The following EYS variants were observed in gnomAD, a reference collection of about 807,000 sequenced individuals.
The protein encoded by EYS is protein eyes shut homolog.
Under a neutral mutation model 282.1 loss-of-function variants are expected in EYS, and 250 were observed. The ratio of observed to expected loss-of-function variants is 0.89; its 90% CI spans 0.80 to 0.98. EYS has a LOEUF of 0.98. EYS is among the 50% of genes least tolerant of loss of function. EYS has a pLI of 0.00. For synonymous variants in EYS, 1,355 were observed against 1,282.9 expected (o/e 1.06, Z -1.20); for missense variants, 4,016 against 3,709.0 (o/e 1.08, Z -2.15).
Position 64,711,201 on chromosome 6 carries a change from G to A in EYS, c.3444-84956C>T, listed in dbSNP as rs150494462. On this transcript the variant is annotated intron_variant, in intron 22 of 42. Transcript: ENST00000503581. ...ATATTTGATTTACAAGAAAATAAAG[G>A]CTTTAAGACAACTGCTTCAAGCAGA... is the stretch of plus-strand genomic sequence containing the variant. Among the ~76,000 whole-genome samples the A allele has an allele frequency of 1.1e-3, 164 of 152,158 alleles. 4 individuals are homozygous for A. The East Asian group carries it at 0.025, about 24-fold the overall frequency.
chr6:64,959,082 T>C (rs1428227774), intron 14 of EYS, among the ~76,000 whole-genome samples: 1 of 152,096 alleles, frequency 6.6e-6, no homozygotes, highest in Non-Finnish European at 1.5e-5. Flanking sequence ...AGGGGTAAGA[T>C]GGGGGATATA....
chr6:64,886,137 T>C (rs1767078144), intron 19 of EYS, among the ~76,000 whole-genome samples: 1 of 151,962 alleles, frequency 6.6e-6, no homozygotes, highest in East Asian at 1.9e-4. Flanking sequence ...TAGCTATTTG[T>C]ATTTTGTAAA....
rs80054226 is a variant in EYS, at chr6:65,359,250, C to A, written c.1300-5633G>T. Reference sequence around the variant, plus strand: ...TATCTCATGTCACATCAGAAATAAGCAAATTTTGCAGTATCAAAGTTTTGT... The same window carrying A: ...TATCTCATGTCACATCAGAAATAAGAAAATTTTGCAGTATCAAAGTTTTGT... On this transcript the variant is annotated intron_variant, in intron 8 of 42. Transcript: ENST00000503581. 9.1e-4 allele frequency among the ~76,000 whole-genome samples: 138 copies of A among 152,058 alleles called. 1 individual carries two copies. In the East Asian group the frequency reaches 0.023, roughly 25 times the overall value.
At chr6:64,536,841 TA>T (rs1764532130) in intron 26 of EYS, among the ~76,000 whole-genome samples, 1 of 151,286 alleles carries the variant, frequency 6.6e-6, no homozygotes, top group African/African-American at 2.4e-5. Flanking sequence ...TTTACATACA[TA>T]AAAATATCTA....
chr6:64,977,630 AG>A (rs1248338082), intron 14 of EYS, among the ~76,000 whole-genome samples: 1 of 149,936 alleles, frequency 6.7e-6, no homozygotes, highest in African/African-American at 2.5e-5. Context: ...GCTGAAAGCT[AG>A]GCCTTTTGCA....
At chr6:64,929,233 G>A (rs1031009208) in intron 15 of EYS, among the ~76,000 whole-genome samples, 2 of 152,016 alleles carry the variant, frequency 1.3e-5, no homozygotes, top group Non-Finnish European at 2.9e-5. Flanking sequence ...TGAGATGAGG[G>A]TGATTCTTCA....
intron 26 of EYS, among the ~76,000 whole-genome samples, chr6:64,440,795 G>A (rs9359929): frequency 0.24 from 36,639 of 151,704 alleles, 4,957 homozygotes; most frequent in East Asian, 0.39. Flanking sequence ...ATTACAAGAA[G>A]AATATACCCA....
chr6:63,918,966 C>A (rs931011528), intron 35 of EYS, among the ~76,000 whole-genome samples: 2 of 152,190 alleles, frequency 1.3e-5, no homozygotes, highest in East Asian at 1.9e-4. Context: ...GAATCCTTTG[C>A]AAGCCTGGCA....
chr6:64,750,884 G>A (rs908482560), intron 22 of EYS, among the ~76,000 whole-genome samples: 1 of 152,198 alleles, frequency 6.6e-6, no homozygotes, highest in Admixed American at 6.5e-5. Flanking sequence ...CAGTACATGA[G>A]AGGGGCAGAG....
intron 33 of EYS, among the ~76,000 whole-genome samples, chr6:64,027,792 CA>C (rs1358167667): frequency 1.3e-5 from 2 of 152,222 alleles, no homozygotes; most frequent in Non-Finnish European, 1.5e-5. Context: ...AGCCCCCAAA[CA>C]GATGATCCAA....
intron 33 of EYS, among the ~76,000 whole-genome samples, chr6:64,052,839 G>A (rs903482182): frequency 5.9e-5 from 9 of 152,086 alleles, no homozygotes. Context: ...GCCACCCTGC[G>A]AAGAGGTGCC....
intron 26 of EYS, among the ~76,000 whole-genome samples, chr6:64,499,921 G>T (rs1031274099): frequency 5.9e-5 from 9 of 152,178 alleles, no homozygotes; most frequent in African/African-American, 2.2e-4. Context: ...AATGATACCA[G>T]AAATAGTCAT....
chr6:64,337,195 G>A (rs973408920), intron 29 of EYS, among the ~76,000 whole-genome samples: 3 of 151,944 alleles, frequency 2.0e-5, no homozygotes, highest in African/African-American at 7.2e-5. Flanking sequence ...CAAAAAGCTG[G>A]TTCTTTGAAA....
intron 1 of EYS, among the ~76,000 whole-genome samples, chr6:65,651,419 T>C (rs1398871981): frequency 6.6e-6 from 1 of 152,096 alleles, no homozygotes; most frequent in Non-Finnish European, 1.5e-5. Context: ...TTATATTAAT[T>C]CAATAGTGTT....
intron 2 of EYS, among the ~76,000 whole-genome samples, chr6:65,531,160 G>A (rs529021069): frequency 6.6e-6 from 1 of 152,066 alleles, no homozygotes; most frequent in East Asian, 1.9e-4. Context: ...TATGACCTCT[G>A]ATCAGGAAAT....
In EYS at chr6:64,313,103, C is replaced by T. The variant is rs1291318516; in HGVS notation, c.6079-6021G>A. ...CTCCTCTGAGCTAAAGGAGCATGTC[C>T]TAACACAATGCAAGGAAGCTAAGAA... On this transcript the variant is annotated intron_variant, in intron 29 of 42. Transcript: ENST00000503581. 2.6e-5 allele frequency among the ~76,000 whole-genome samples: 4 copies of T among 152,152 alleles called. No individual in the cohort carries two copies. In the East Asian group the frequency reaches 5.8e-4, roughly 22 times the overall value.
intron 32 of EYS, among the ~76,000 whole-genome samples, chr6:64,069,344 A>G (rs1771486515): frequency 6.6e-6 from 1 of 152,096 alleles, no homozygotes; most frequent in African/African-American, 2.4e-5. Context: ...TTGAATTTTC[A>G]GATATTTATT....
chr6:63,822,028 CAG>C (rs1771338458), intron 36 of EYS: 1 of 152,324 alleles, frequency 6.6e-6, no homozygotes. Context: ...GGTAGCAAAA[CAG>C]GGGAGAAAGA....
chr6:64,335,011 G>C (rs1259753467), intron 29 of EYS, among the ~76,000 whole-genome samples: 1 of 152,026 alleles, frequency 6.6e-6, no homozygotes, highest in African/African-American at 2.4e-5. Context: ...AGCAATAGTA[G>C]ACAGACATAT....
Sources: gnomAD v4.1 joint callset for allele counts (sites outside exome capture counted in the v4.1 genomes callset) on GRCh38, gnomAD v4.1.1 for gene constraint, MANE v1.5 for transcripts, NCBI Gene and HGNC (gene_info 2026-07-23, HGNC 2026-07-21) for gene names.